Variants in CDH8 observed in about 807,000 individuals in gnomAD.
CDH8 encodes cadherin-8.
CDH8 carries 17 observed loss-of-function variants against 68.1 expected under a neutral mutation model. The ratio of observed to expected loss-of-function variants is 0.25; its 90% CI spans 0.17 to 0.37. CDH8 has a LOEUF of 0.37. Ranked by LOEUF, CDH8 falls within the 10% of genes least tolerant of loss-of-function variation. The pLI is 1.00. For missense variants in CDH8, 763 were observed against 999.3 expected, an observed-to-expected ratio of 0.76 and a Z score of 3.19; for synonymous variants, 372 against 365.1, an observed-to-expected ratio of 1.02 and a Z score of -0.21.
Position 61,651,533 on chromosome 16 carries a change from T to C in CDH8, c.*2075A>G, listed in dbSNP as rs1034039629. The C allele has an allele frequency of 1.3e-5, 2 of 152,194 alleles. No homozygotes were observed. The highest frequency in any genetic ancestry group is 4.8e-5 in the African/African-American group (2 of 41,450). The allele number at this position is 152,194 out of a possible 1,614,324, so 9.4% of individuals were successfully genotyped here. On this transcript the variant is annotated 3_prime_UTR_variant, in exon 12 of 12. Coordinates refer to ENST00000577390, the MANE Select transcript of CDH8 (RefSeq NM_001796.5). ...AGCTTTTGAGTCAAAAACCGTTCTC[T>C]TCTTAGCAGCCCCGCACCAATGACT...
chr16:61,863,388 G>A (rs539033063), intron 3 of CDH8, among the ~76,000 whole-genome samples: 46 of 152,262 alleles, frequency 3.0e-4, no homozygotes, highest in African/African-American at 1.1e-3. Flanking sequence ...CACTGTCGGG[G>A]TGGAGGTTCC....
At chr16:61,655,081 A>G (rs1963411982) in intron 11 of CDH8, among the ~76,000 whole-genome samples, 2 of 152,276 alleles carry the variant, frequency 1.3e-5, no homozygotes, top group South Asian at 4.1e-4. Context: ...TCAGCAACCC[A>G]AACTACAATG....
intron 10 of CDH8, among the ~76,000 whole-genome samples, chr16:61,688,632 A>G (rs548394624): frequency 1.3e-5 from 2 of 152,026 alleles, no homozygotes; most frequent in East Asian, 3.9e-4. Context: ...ACTGAGATGG[A>G]TCATATCCCA....
At chr16:61,987,908 G>A (rs1041186942) in intron 2 of CDH8, among the ~76,000 whole-genome samples, 2 of 152,108 alleles carry the variant, frequency 1.3e-5, no homozygotes, top group East Asian at 1.9e-4. Flanking sequence ...TATGAGGTAC[G>A]TAATATCATT....
At chr16:61,951,770 C>G (rs1964902518) in intron 2 of CDH8, among the ~76,000 whole-genome samples, 1 of 152,140 alleles carries the variant, frequency 6.6e-6, no homozygotes, top group Non-Finnish European at 1.5e-5. Flanking sequence ...GCCTCTCTCT[C>G]CTCCTTTTCT....
In CDH8 at chr16:61,651,829, G is replaced by C. The variant is rs911887963; in HGVS notation, c.*1779C>G. ...TCCATGTTCCTCTTATGTCCCTGCT[G>C]GTATCTTGCTGTGTGATCACTGGCA... On this transcript the variant is annotated 3_prime_UTR_variant, in exon 12 of 12. Coordinates refer to ENST00000577390, the MANE Select transcript of CDH8 (RefSeq NM_001796.5). 7 of 152,506 alleles carry C rather than the reference G, an allele frequency of 4.6e-5. No individual in the cohort carries two copies. The highest frequency in any genetic ancestry group is 1.7e-4 in the African/African-American group (7 of 41,398). The allele number at this position is 152,506 out of a possible 1,614,324, so 9.4% of individuals were successfully genotyped here. A position where few individuals can be genotyped will look rare whatever the true frequency, so the allele number is the denominator to read the frequency against.
chr16:61,715,810 A>G (rs1964720641), intron 9 of CDH8, among the ~76,000 whole-genome samples: 1 of 151,688 alleles, frequency 6.6e-6, no homozygotes, highest in Non-Finnish European at 1.5e-5. Context: ...TGAAACATGG[A>G]TAACTCCTTT....
rs1260349954 is a variant in CDH8 at position 61,653,001 on chromosome 16, G to A, written c.*607C>T. On this transcript the variant is annotated 3_prime_UTR_variant, in exon 12 of 12. Coordinates refer to ENST00000577390, the MANE Select transcript of CDH8 (RefSeq NM_001796.5). ...CGAACATGTGAATATTTTAAGGCTC[G>A]ACACAATATTTAAAGATGCTATTCA... 25 of 1,458,766 alleles carry A rather than the reference G, an allele frequency of 1.7e-5. No homozygotes were observed. Among genetic ancestry groups the A allele is most frequent in the South Asian group, 2.9e-5 (2 of 68,732 alleles). The allele number at this position is 1,458,766 out of a possible 1,614,324, so 90.4% of individuals were successfully genotyped here.
At chr16:61,836,769 C>T (rs1483758513) in intron 4 of CDH8, among the ~76,000 whole-genome samples, 1 of 151,950 alleles carries the variant, frequency 6.6e-6, no homozygotes, top group East Asian at 1.9e-4. Flanking sequence ...CCAGGGCTTT[C>T]TACCACTGTC....
At chr16:61,722,156 C>T (rs1249206856) in intron 9 of CDH8, among the ~76,000 whole-genome samples, 2 of 150,750 alleles carry the variant, frequency 1.3e-5, no homozygotes, top group Non-Finnish European at 3.0e-5. Flanking sequence ...TCACAGGTAT[C>T]TTCCATTCTT....
rs1467168108 is a variant in CDH8 at position 61,953,011 on chromosome 16, T to A, written c.253-51538A>T. ...GTGAGGATGGTAGGAGGTAGGGCCT[T>A]TGGGAGGTGATTAGGTAACGTGGGC... is the stretch of plus-strand genomic sequence containing the variant. On this transcript the variant is annotated intron_variant, in intron 2 of 11. Transcript: ENST00000577390. 4.0e-4 allele frequency among the ~76,000 whole-genome samples: 61 copies of A among 152,260 alleles called. No individual in the cohort carries two copies. The East Asian group carries it at 0.01, about 26-fold the overall frequency.
At chr16:61,829,213 T>A (rs888776226) in intron 4 of CDH8, among the ~76,000 whole-genome samples, 1 of 151,818 alleles carries the variant, frequency 6.6e-6, no homozygotes, top group African/African-American at 2.4e-5. Flanking sequence ...TTTAGAGATA[T>A]CGTTAAAGTA....
chr16:61,911,318 T>A (rs1420112751), intron 2 of CDH8, among the ~76,000 whole-genome samples: 2 of 152,142 alleles, frequency 1.3e-5, no homozygotes, highest in African/African-American at 4.8e-5. Context: ...ACTAACTAAA[T>A]GAGATTCTCA....
intron 8 of CDH8, among the ~76,000 whole-genome samples, chr16:61,769,257 T>C (rs891505498): frequency 6.6e-6 from 1 of 152,012 alleles, no homozygotes; most frequent in African/African-American, 2.4e-5. Context: ...TTGAATATTA[T>C]GGTCTTAAAG....
At chr16:61,697,341 GCAGA>G (rs1467611811) in intron 10 of CDH8, among the ~76,000 whole-genome samples, 2 of 152,046 alleles carry the variant, frequency 1.3e-5, no homozygotes, top group African/African-American at 4.8e-5. Flanking sequence ...TCACCCTTAT[GCAGA>G]CAGAGAATGG....
intron 8 of CDH8, among the ~76,000 whole-genome samples, chr16:61,784,989 A>T (rs1236522025): frequency 6.6e-6 from 1 of 150,526 alleles, no homozygotes; most frequent in Non-Finnish European, 1.5e-5. Context: ...AAAGCAGGAA[A>T]GATCCAAAAT....
chr16:62,004,159 G>A (rs1268887214), intron 2 of CDH8, among the ~76,000 whole-genome samples: 1 of 152,186 alleles, frequency 6.6e-6, no homozygotes, highest in Non-Finnish European at 1.5e-5. Flanking sequence ...GTCTAGAATA[G>A]TAACAACTAC....
At chr16:61,855,532 G>T (rs147896925) in intron 4 of CDH8, among the ~76,000 whole-genome samples, 238 of 152,114 alleles carry the variant, frequency 1.6e-3, no homozygotes, top group African/African-American at 5.6e-3. Flanking sequence ...CCAGTGCCTG[G>T]CACACAGTGA....
intron 4 of CDH8, among the ~76,000 whole-genome samples, chr16:61,847,474 CTT>C (rs1567498070): frequency 6.7e-6 from 1 of 150,086 alleles, no homozygotes; most frequent in African/African-American, 2.4e-5. Flanking sequence ...CAGAGACTAA[CTT>C]TGGCTTAAAG....
Sources: gnomAD v4.1 joint callset for allele counts (sites outside exome capture counted in the v4.1 genomes callset) on GRCh38, gnomAD v4.1.1 for gene constraint, MANE v1.5 for transcripts, NCBI Gene and HGNC (gene_info 2026-07-23, HGNC 2026-07-21) for gene names.